PVT1: variants seen among roughly 807,000 people sequenced by gnomAD.
PVT1 encodes the protein Pvt1 oncogene.
At chr8:127,817,546 TACACACACACAC>T (rs1554588971) in intron 2 of PVT1, among the ~76,000 whole-genome samples, 2 of 89,928 alleles carry the variant, frequency 2.2e-5, no homozygotes, top group East Asian at 3.5e-4. Flanking sequence ...TATATATATA[TACACACACACAC>T]ACATATATAT....
At chr8:128,038,422 G>A (rs1329761323) in intron 4 of PVT1, among the ~76,000 whole-genome samples, 1 of 152,138 alleles carries the variant, frequency 6.6e-6, no homozygotes, top group Non-Finnish European at 1.5e-5. Context: ...TGCAGACATG[G>A]TACTAATGGG....
Position 127,932,697 on chromosome 8 carries a change from C to A in PVT1, n.782+41699C>A, listed in dbSNP as rs1586442484. 1.5e-5 allele frequency: 6 copies of A among 391,924 alleles called. No individual in the cohort carries two copies. The East Asian group carries it at 2.2e-4, about 14-fold the overall frequency. The allele number at this position is 391,924 out of a possible 1,614,324, so 24.3% of individuals were successfully genotyped here. A position where few individuals can be genotyped will look rare whatever the true frequency, so the allele number is the denominator to read the frequency against. On this transcript the variant is annotated intron_variant and non_coding_transcript_variant, in intron 3 of 10. Coordinates refer to ENST00000651587, the Ensembl canonical transcript of PVT1. The stretch of plus-strand genomic sequence containing the variant: ...GCTAATAAAAAATAAAAAATAAAAA[C>A]ATAATACACGTTATATTTCTATCTT...
At chr8:127,852,562 G>C (rs1429945858) in intron 2 of PVT1, among the ~76,000 whole-genome samples, 1 of 152,200 alleles carries the variant, frequency 6.6e-6, no homozygotes, top group Non-Finnish European at 1.5e-5. Flanking sequence ...GATTTTAACA[G>C]TATCTATTTC....
chr8:127,893,014 T>C (rs911188358), intron 3 of PVT1, among the ~76,000 whole-genome samples: 4 of 152,132 alleles, frequency 2.6e-5, no homozygotes, highest in African/African-American at 9.7e-5. Context: ...AACAACCCAA[T>C]TGTGGTGGTC....
chr8:127,919,417 GCGA>G (rs1816030192), intron 3 of PVT1, among the ~76,000 whole-genome samples: 2 of 152,166 alleles, frequency 1.3e-5, no homozygotes, highest in Admixed American at 1.3e-4. Flanking sequence ...TATTGACTTA[GCGA>G]CACAGTCTGT....
Position 128,046,355 on chromosome 8 carries a change from G to A in PVT1, n.913-23805G>A, listed in dbSNP as rs1235776194. Among the ~76,000 whole-genome samples, 13 of 152,340 alleles carry A rather than the reference G, an allele frequency of 8.5e-5. 1 individual carries two copies. In the South Asian group the frequency reaches 2.7e-3, roughly 32 times the overall value. On this transcript the variant is annotated intron_variant and non_coding_transcript_variant, in intron 4 of 10. Coordinates refer to ENST00000651587, the Ensembl canonical transcript of PVT1. ...TCCCCGTTTTCCAAATGAGAAAACT[G>A]TCCACGGGGTCGGTCAGTAACTTGT... is the stretch of plus-strand genomic sequence containing the variant.
At chr8:127,950,220 T>C (rs914581390) in intron 3 of PVT1, among the ~76,000 whole-genome samples, 2 of 152,232 alleles carry the variant, frequency 1.3e-5, no homozygotes, top group Non-Finnish European at 2.9e-5. Context: ...AGAAAGCAGC[T>C]CACCTCACTT....
chr8:127,976,190 C>G (rs781129671), intron 3 of PVT1, among the ~76,000 whole-genome samples: 29 of 152,184 alleles, frequency 1.9e-4, no homozygotes, highest in Non-Finnish European at 3.8e-4. Context: ...TTAAAAGAAA[C>G]CTCAGAGGTC....
intron 2 of PVT1, among the ~76,000 whole-genome samples, chr8:127,796,351 C>T (rs1814396334): frequency 6.6e-6 from 1 of 152,146 alleles, no homozygotes; most frequent in South Asian, 2.1e-4. Context: ...CTTTTCTGCA[C>T]TGGAAAGGAG....
At chr8:127,901,989 C>G (rs886619318) in intron 3 of PVT1, among the ~76,000 whole-genome samples, 2 of 151,898 alleles carry the variant, frequency 1.3e-5, no homozygotes, top group Non-Finnish European at 2.9e-5. Context: ...TATGAAATAA[C>G]CTTTTTACTT....
At chr8:127,960,747 T>C (rs1816630815) in intron 3 of PVT1, 2 of 482,590 alleles carry the variant, frequency 4.1e-6, no homozygotes, top group African/African-American at 2.0e-5. Context: ...TTTCTGTTTT[T>C]TGTGGGGAGA....
At chr8:127,802,249 T>C (rs1177615656) in intron 2 of PVT1, among the ~76,000 whole-genome samples, 1 of 152,168 alleles carries the variant, frequency 6.6e-6, no homozygotes, top group Admixed American at 6.5e-5. Context: ...GGTCTCACTC[T>C]GTCACCCAGG....
At chr8:127,999,742 G>C (rs1171255208) in intron 4 of PVT1, among the ~76,000 whole-genome samples, 1 of 152,220 alleles carries the variant, frequency 6.6e-6, no homozygotes, top group African/African-American at 2.4e-5. Flanking sequence ...GGTTACAGGC[G>C]TGAGTCACCA....
At chr8:127,885,596 A>G (rs1469765207) in intron 2 of PVT1, among the ~76,000 whole-genome samples, 2 of 152,110 alleles carry the variant, frequency 1.3e-5, no homozygotes, top group African/African-American at 4.8e-5. Context: ...ATCACTTTTC[A>G]AAGGCCTCCC....
intron 4 of PVT1, among the ~76,000 whole-genome samples, chr8:128,006,247 TAGTG>T (rs1370829724): frequency 1.3e-5 from 2 of 151,940 alleles, no homozygotes; most frequent in Non-Finnish European, 2.9e-5. Context: ...ACCCTAGAAA[TAGTG>T]AGGGAAGTTT....
chr8:128,007,384 A>G (rs377234289), intron 4 of PVT1, among the ~76,000 whole-genome samples: 1 of 152,158 alleles, frequency 6.6e-6, no homozygotes, highest in African/African-American at 2.4e-5. Flanking sequence ...TCAGTTTTTT[A>G]AACTCTTACT....
intron 3 of PVT1, among the ~76,000 whole-genome samples, chr8:127,983,670 G>A (rs1816909544): frequency 6.6e-6 from 1 of 152,012 alleles, no homozygotes; most frequent in Non-Finnish European, 1.5e-5. Flanking sequence ...GCTCCCCAAG[G>A]ATAACGACAT....
chr8:127,885,125 A>G (rs1472643736), intron 2 of PVT1, among the ~76,000 whole-genome samples: 4 of 150,560 alleles, frequency 2.7e-5, no homozygotes, highest in Non-Finnish European at 5.9e-5. Context: ...ATTCAGGAGC[A>G]GTGCCTCTCC....
intron 2 of PVT1, among the ~76,000 whole-genome samples, chr8:127,796,308 C>T (rs1445653432): frequency 1.3e-5 from 2 of 152,138 alleles, no homozygotes; most frequent in Admixed American, 6.5e-5. Flanking sequence ...CCCCGCCCCT[C>T]GCCACCTCCA....
Sources: gnomAD v4.1 joint callset for allele counts (sites outside exome capture counted in the v4.1 genomes callset) on GRCh38, gnomAD v4.1.1 for gene constraint, MANE v1.5 for transcripts, NCBI Gene and HGNC (gene_info 2026-07-23, HGNC 2026-07-21) for gene names.